Variants in VWA3B observed in about 807,000 individuals in gnomAD.
The protein encoded by VWA3B is von Willebrand factor A domain containing 3B.
A neutral mutation model predicts 158.3 loss-of-function variants in VWA3B; 138 were observed. The ratio of observed to expected loss-of-function variants is 0.87; its 90% CI spans 0.76 to 1.00. The LOEUF is 1.00. Ranked by LOEUF, VWA3B falls within the 50% of genes least tolerant of loss-of-function variation. The pLI is 0.00. For missense variants in VWA3B, 1,555 were observed against 1,565.1 expected, an observed-to-expected ratio of 0.99 and a Z score of 0.11; for synonymous variants, 596 against 587.3, an observed-to-expected ratio of 1.01 and a Z score of -0.21.
In VWA3B at chr2:98,181,041, T is replaced by C. The variant is rs79301971; in HGVS notation, c.1140T>C (p.Ile380=). 2 of 1,614,190 alleles carry C rather than the reference T, an allele frequency of 1.2e-6. No individual in the cohort carries two copies. The highest frequency in any genetic ancestry group is 2.7e-5 in the African/African-American group (2 of 75,036). The part of the protein sequence containing the change: ...DCESETTSVE[I]ASNPEDTWDS... The stretch of plus-strand genomic sequence containing the variant: ...AGTCAGAAACAACCTCTGTTGAGAT[T>C]GCATCGAATCCAGAAGACACCTGGG... Residue 380 remains isoleucine (I), a synonymous_variant, in exon 9 of 28, where the codon ATT becomes ATC. Transcript: ENST00000477737.
chr2:98,252,028 G>A (rs1306073834), intron 20 of VWA3B, among the ~76,000 whole-genome samples: 3 of 152,162 alleles, frequency 2.0e-5, no homozygotes, highest in African/African-American at 7.2e-5. Context: ...TTGCCTCCCA[G>A]CTCGGCTCCT....
At position 98,151,215 on chromosome 2, in the gene VWA3B, C is replaced by T. The variant is rs183534767; in HGVS notation, c.989-11636C>T. Among the ~76,000 whole-genome samples, 757 of 152,010 alleles carry T rather than the reference C, an allele frequency of 5.0e-3. 8 individuals are homozygous for T. The highest frequency in any genetic ancestry group is 0.017 in the African/African-American group (721 of 41,446). The stretch of plus-strand genomic sequence containing the variant: ...GCAACCTCCACCTCCTGGGTTCAAG[C>T]GATTGTCCTGCCTCAGCCTCCCGAG... On this transcript the variant is annotated intron_variant, in intron 7 of 27. Transcript: ENST00000477737.
chr2:98,210,295 C>G (rs910524672), intron 12 of VWA3B, among the ~76,000 whole-genome samples: 1 of 152,094 alleles, frequency 6.6e-6, no homozygotes, highest in African/African-American at 2.4e-5. Flanking sequence ...CTGCTGTCTC[C>G]CCTAGAAGAT....
At chr2:98,091,101 C>T (rs1306661669) in intron 1 of VWA3B, among the ~76,000 whole-genome samples, 1 of 152,118 alleles carries the variant, frequency 6.6e-6, no homozygotes, top group Admixed American at 6.5e-5. Context: ...TGAGTCTGAG[C>T]TCTGAGAATA....
chr2:98,134,537 A>G (rs144237749), intron 7 of VWA3B, among the ~76,000 whole-genome samples: 1 of 152,172 alleles, frequency 6.6e-6, no homozygotes, highest in Non-Finnish European at 1.5e-5. Flanking sequence ...AAGCCAGGAG[A>G]TGGGAGTTTC....
intron 2 of VWA3B, among the ~76,000 whole-genome samples, chr2:98,115,175 A>G (rs1435556976): frequency 6.7e-6 from 1 of 149,732 alleles, no homozygotes; most frequent in African/African-American, 2.5e-5. Flanking sequence ...CACAAATTCT[A>G]TTCTTCCTGT....
intron 12 of VWA3B, among the ~76,000 whole-genome samples, chr2:98,200,881 C>T (rs1486939194): frequency 1.3e-5 from 2 of 152,314 alleles, no homozygotes; most frequent in East Asian, 1.9e-4. Context: ...CACTGTTTGT[C>T]TAAGTAACTA....
chr2:98,246,836 T>A (rs1686429337), intron 19 of VWA3B, among the ~76,000 whole-genome samples: 1 of 152,200 alleles, frequency 6.6e-6, no homozygotes, highest in Non-Finnish European at 1.5e-5. Context: ...TTATTTTTCC[T>A]GCTCTATTTT....
chr2:98,128,819 A>G (rs1181141144), intron 6 of VWA3B, among the ~76,000 whole-genome samples: 1 of 152,228 alleles, frequency 6.6e-6, no homozygotes, highest in Non-Finnish European at 1.5e-5. Flanking sequence ...GACAGCCCCT[A>G]CACCCCAGAG....
intron 7 of VWA3B, among the ~76,000 whole-genome samples, chr2:98,156,688 A>C (rs1399961776): frequency 1.0e-5 from 1 of 98,714 alleles, no homozygotes; most frequent in Non-Finnish European, 2.3e-5. Flanking sequence ...TTTTTTTTGT[A>C]AATTTGCTCT....
chr2:98,257,912 A>G (rs1319873763), intron 21 of VWA3B, among the ~76,000 whole-genome samples: 1 of 151,920 alleles, frequency 6.6e-6, no homozygotes, highest in Non-Finnish European at 1.5e-5. Flanking sequence ...TTGGTGTCAA[A>G]TCTAAGAATC....
chr2:98,159,730 G>A (rs1033288786), intron 7 of VWA3B, among the ~76,000 whole-genome samples: 2 of 151,880 alleles, frequency 1.3e-5, no homozygotes, highest in Non-Finnish European at 2.9e-5. Flanking sequence ...GATACATACA[G>A]CTTTGGTTGG....
chr2:98,242,507 T>A (rs970315170), intron 19 of VWA3B, among the ~76,000 whole-genome samples: 8 of 151,968 alleles, frequency 5.3e-5, no homozygotes, highest in African/African-American at 1.9e-4. Context: ...GGAAAATTGG[T>A]CTGCACCACT....
intron 8 of VWA3B, among the ~76,000 whole-genome samples, chr2:98,163,711 G>C (rs528164844): frequency 1.3e-5 from 2 of 152,286 alleles, no homozygotes; most frequent in African/African-American, 4.8e-5. Context: ...AAATTATTAA[G>C]AGGAGATGTT....
intron 23 of VWA3B, among the ~76,000 whole-genome samples, chr2:98,294,751 A>G (rs545269547): frequency 6.6e-6 from 1 of 152,350 alleles, no homozygotes; most frequent in African/African-American, 2.4e-5. Context: ...AAAATGGAAC[A>G]CTTTCTCAGG....
At chr2:98,121,554 T>G in intron 5 of VWA3B, 96 bp downstream of exon 5, 2 of 1,485,488 alleles carry the variant, frequency 1.3e-6, no homozygotes, top group South Asian at 2.4e-5. Context: ...CAACTGATCT[T>G]GGGCCCCTCC....
At chr2:98,180,143 C>T (rs951278465) in intron 8 of VWA3B, among the ~76,000 whole-genome samples, 2 of 149,544 alleles carry the variant, frequency 1.3e-5, no homozygotes, top group Non-Finnish European at 3.0e-5. Flanking sequence ...CCCTCCCTCC[C>T]TTTCTCTCTT....
intron 17 of VWA3B, 42 bp downstream of exon 17, chr2:98,234,809 C>T (rs1287253583): frequency 1.2e-6 from 2 of 1,613,146 alleles, no homozygotes; most frequent in East Asian, 4.5e-5. Context: ...GCCTCCCTTT[C>T]CACAGTGTAT....
chr2:98,124,318 T>C (rs1418213077), intron 5 of VWA3B, among the ~76,000 whole-genome samples: 1 of 152,136 alleles, frequency 6.6e-6, no homozygotes, highest in Non-Finnish European at 1.5e-5. Flanking sequence ...TAGATTTGGG[T>C]TTTGTGACTT....
Sources: gnomAD v4.1 joint callset for allele counts (sites outside exome capture counted in the v4.1 genomes callset) on GRCh38, gnomAD v4.1.1 for gene constraint, MANE v1.5 for transcripts, NCBI Gene and HGNC (gene_info 2026-07-23, HGNC 2026-07-21) for gene names.